The following OTOGL variants were observed in gnomAD, a reference collection of about 807,000 sequenced individuals.
OTOGL encodes otogelin like, also known as otogelin-like protein.
OTOGL carries 285 observed loss-of-function variants against 318.5 expected under a neutral mutation model. The observed-to-expected ratio is 0.89, with a 90% CI of 0.81 to 0.99. The LOEUF (loss-of-function observed/expected upper bound fraction) is 0.99. OTOGL is among the 50% of genes least tolerant of loss of function. The probability of loss-of-function intolerance (pLI) is 0.00; values close to 1 mark genes in which losing one functional copy is unlikely to be tolerated. For synonymous variants in OTOGL, 987 were observed against 936.5 expected (o/e 1.05, Z -0.99); for missense variants, 2,899 against 2,845.6 (o/e 1.02, Z -0.43).
At chr12:80,271,841 C>A (rs548828918) in intron 24 of OTOGL, 31 bp downstream of exon 24, 4 of 1,577,354 alleles carry the variant, frequency 2.5e-6, no homozygotes, top group Non-Finnish European at 3.5e-6. Flanking sequence ...ACAGAACATT[C>A]AGGATTTGCC....
intron 11 of OTOGL, among the ~76,000 whole-genome samples, chr12:80,244,834 T>C (rs1345321603): frequency 7.0e-6 from 1 of 143,220 alleles, no homozygotes; most frequent in Admixed American, 6.7e-5. Flanking sequence ...ACCTGTTGTT[T>C]CCTGACTTTT....
At chr12:80,233,654 G>A (rs1330664021) in intron 9 of OTOGL, among the ~76,000 whole-genome samples, 3 of 152,186 alleles carry the variant, frequency 2.0e-5, no homozygotes, top group Non-Finnish European at 4.4e-5. Flanking sequence ...GAAACTAAAA[G>A]TGAGTTATAA....
At chr12:80,375,137 C>T (rs1334220595) in intron 57 of OTOGL, among the ~76,000 whole-genome samples, 2 of 152,140 alleles carry the variant, frequency 1.3e-5, no homozygotes, top group African/African-American at 4.8e-5. Context: ...AAACCCTTTC[C>T]TGCCGCCTTT....
intron 37 of OTOGL, among the ~76,000 whole-genome samples, 177 bp from the exon 38 acceptor site, chr12:80,332,828 T>C (rs1888159522): frequency 6.6e-6 from 1 of 152,188 alleles, no homozygotes; most frequent in Non-Finnish European, 1.5e-5. Flanking sequence ...TCTCTACAGC[T>C]TAGTTTCCTC....
chr12:80,105,963 C>A (rs1001735952), intron 1 of OTOGL, among the ~76,000 whole-genome samples: 1 of 152,132 alleles, frequency 6.6e-6, no homozygotes, highest in Non-Finnish European at 1.5e-5. Context: ...AAAACATGAG[C>A]AAACTATTTT....
At chr12:80,202,358 C>T (rs572816970) in intron 1 of OTOGL, among the ~76,000 whole-genome samples, 27 of 151,516 alleles carry the variant, frequency 1.8e-4, no homozygotes, top group Admixed American at 1.2e-3. Flanking sequence ...GCAACCTCCA[C>T]CTCCCAGGTT....
chr12:80,292,949 T>A (rs78766035), intron 26 of OTOGL, among the ~76,000 whole-genome samples: 2,912 of 152,286 alleles, frequency 0.019, 88 homozygotes, highest in African/African-American at 0.066. Context: ...AAAAAGTTAG[T>A]TTGAGGCCAA....
intron 26 of OTOGL, among the ~76,000 whole-genome samples, chr12:80,286,163 G>A (rs1884604609): frequency 6.6e-6 from 1 of 152,142 alleles, no homozygotes; most frequent in African/African-American, 2.4e-5. Context: ...TGTTTTCTGT[G>A]ATGGATTAGA....
At chr12:80,244,172 C>CTTT (rs1190173197) in intron 11 of OTOGL, among the ~76,000 whole-genome samples, 11 of 141,880 alleles carry the variant, frequency 7.8e-5, no homozygotes, top group African/African-American at 2.8e-4. Context: ...TTCTTTTTTT[C>CTTT]TTTTTTTTTT....
In OTOGL at chr12:80,265,021, G is replaced by C. The variant is rs1354741615; in HGVS notation, c.2035G>C (p.Asp679His). ...QQNIGYAAHCDVIHQELFAPC... is the reference protein window; with the variant it reads ...QQNIGYAAHCHVIHQELFAPC... ...GTTAGTTGGGTATGCAGCACACTGT[G>C]ATGTCATCCACCAGGAGCTCTTTGC... The change falls in exon 20 of 59, where the codon GAT becomes CAT. Residue 679 changes from aspartate (D) to histidine (H), a missense_variant. Transcript: ENST00000547103. 6.2e-7 allele frequency: 1 copy of C among 1,613,782 alleles called. No individual in the cohort carries two copies. The highest frequency in any genetic ancestry group is 8.5e-7 in the Non-Finnish European group (1 of 1,179,846).
chr12:80,298,516 T>C (rs756198793), intron 27 of OTOGL, among the ~76,000 whole-genome samples: 2 of 152,198 alleles, frequency 1.3e-5, no homozygotes, highest in African/African-American at 2.4e-5. Flanking sequence ...GAAATGATTC[T>C]TCTTACCCTC....
At chr12:80,144,911 T>G (rs1872235252) in intron 1 of OTOGL, among the ~76,000 whole-genome samples, 1 of 151,422 alleles carries the variant, frequency 6.6e-6, no homozygotes, top group South Asian at 2.1e-4. Flanking sequence ...TTGTTTGTTT[T>G]TTTCTTGTAA....
chr12:80,358,436 C>A, intron 50 of OTOGL, 87 bp downstream of exon 50: 2 of 1,123,414 alleles, frequency 1.8e-6, no homozygotes, highest in Non-Finnish European at 2.5e-6. Context: ...TTACATCAGA[C>A]CCTTTTTCAA....
intron 26 of OTOGL, among the ~76,000 whole-genome samples, chr12:80,289,850 G>A (rs974812524): frequency 7.2e-5 from 11 of 152,140 alleles, no homozygotes; most frequent in Non-Finnish European, 1.0e-4. Context: ...GGTGGGACCC[G>A]CTGAGTGAGA....
chr12:80,256,237 T>C (rs1320142233), intron 16 of OTOGL, 100 bp from the exon 17 acceptor site: 2 of 1,336,652 alleles, frequency 1.5e-6, no homozygotes, highest in African/African-American at 1.5e-5. Context: ...CTCCTCTCTC[T>C]TTCTCCCCTT....
At chr12:80,105,951 T>C (rs1869429025) in intron 1 of OTOGL, among the ~76,000 whole-genome samples, 1 of 152,196 alleles carries the variant, frequency 6.6e-6, no homozygotes, top group Admixed American at 6.5e-5. Context: ...AACGTTTCCA[T>C]AAAAACATGA....
intron 1 of OTOGL, among the ~76,000 whole-genome samples, chr12:80,207,652 G>A (rs7954738): frequency 0.13 from 19,290 of 152,182 alleles, 3,550 homozygotes; most frequent in African/African-American, 0.4. Flanking sequence ...ATTGTAAAAT[G>A]AGGAGTGGAC....
At chr12:80,137,011 CT>C (rs1871619457) in intron 1 of OTOGL, among the ~76,000 whole-genome samples, 1 of 152,044 alleles carries the variant, frequency 6.6e-6, no homozygotes, top group South Asian at 2.1e-4. Flanking sequence ...TGGATTAATG[CT>C]GTCAGTCACA....
At chr12:80,370,354 T>C (rs1456356617) in intron 55 of OTOGL, among the ~76,000 whole-genome samples, 51 of 152,006 alleles carry the variant, frequency 3.4e-4, no homozygotes, top group Admixed American at 3.3e-3. Flanking sequence ...TATACATATG[T>C]ATGTATTTTT....
Sources: gnomAD v4.1 joint callset for allele counts (sites outside exome capture counted in the v4.1 genomes callset) on GRCh38, gnomAD v4.1.1 for gene constraint, MANE v1.5 for transcripts, NCBI Gene and HGNC (gene_info 2026-07-23, HGNC 2026-07-21) for gene names.